The following SH3GL3 variants were observed in gnomAD, a reference collection of about 807,000 sequenced individuals.
SH3GL3 encodes the protein SH3 domain containing GRB2 like 3, endophilin A3.
Under a neutral mutation model 47.7 loss-of-function variants are expected in SH3GL3, and 33 were observed. That is an observed-to-expected ratio of 0.69 (90% CI 0.52 to 0.92). The LOEUF (loss-of-function observed/expected upper bound fraction) is 0.92. Ranked by LOEUF, SH3GL3 falls within the 40% of genes least tolerant of loss-of-function variation. The pLI, the probability that SH3GL3 is intolerant of heterozygous loss-of-function variation, is 0.00. For synonymous variants in SH3GL3, 155 were observed against 148.8 expected, an observed-to-expected ratio of 1.04 and a Z score of -0.30; for missense variants, 363 against 417.8, an observed-to-expected ratio of 0.87 and a Z score of 1.14.
chr15:83,517,243 C>T (rs555806632), intron 1 of SH3GL3, among the ~76,000 whole-genome samples: 16 of 138,492 alleles, frequency 1.2e-4, no homozygotes, highest in Middle Eastern at 4.5e-3. Context: ...CTGGCTCTGT[C>T]GCCCAGTCTG....
intron 8 of SH3GL3, among the ~76,000 whole-genome samples, chr15:83,596,485 A>G (rs2151821864): frequency 6.6e-6 from 1 of 152,260 alleles, no homozygotes; most frequent in Middle Eastern, 3.4e-3. Context: ...AAAATCTCTG[A>G]TTATAGTTAT....
intron 6 of SH3GL3, among the ~76,000 whole-genome samples, chr15:83,586,693 T>C (rs17841186): frequency 0.032 from 4,798 of 152,310 alleles, 266 homozygotes; most frequent in African/African-American, 0.11. Flanking sequence ...CTTTATAGCA[T>C]AGAAAATCTG....
intron 1 of SH3GL3, among the ~76,000 whole-genome samples, chr15:83,484,517 G>A (rs1039202218): frequency 1.3e-5 from 2 of 151,952 alleles, no homozygotes; most frequent in African/African-American, 4.8e-5. Flanking sequence ...TGAAATTGCT[G>A]AAGTCAGTAA....
chr15:83,457,505 T>A (rs2040056837), intron 1 of SH3GL3, among the ~76,000 whole-genome samples: 1 of 152,212 alleles, frequency 6.6e-6, no homozygotes, highest in Non-Finnish European at 1.5e-5. Context: ...ACGTATTCCC[T>A]GTAATCACTG....
chr15:83,497,172 C>A (rs2042113264), intron 1 of SH3GL3, among the ~76,000 whole-genome samples: 1 of 152,184 alleles, frequency 6.6e-6, no homozygotes, highest in African/African-American at 2.4e-5. Context: ...TTATTATGTT[C>A]TTGAATGGCT....
At chr15:83,481,871 C>CA (rs921955145) in intron 1 of SH3GL3, among the ~76,000 whole-genome samples, 5 of 152,018 alleles carry the variant, frequency 3.3e-5, no homozygotes, top group African/African-American at 1.2e-4. Flanking sequence ...GCAAATATTA[C>CA]AAAAAACCAC....
At chr15:83,478,015 A>G (rs370629719) in intron 1 of SH3GL3, among the ~76,000 whole-genome samples, 1 of 152,174 alleles carries the variant, frequency 6.6e-6, no homozygotes, top group East Asian at 1.9e-4. Context: ...CTCTTTGGGG[A>G]CACTTTCAGC....
At chr15:83,457,023 T>C (rs2040023596) in intron 1 of SH3GL3, among the ~76,000 whole-genome samples, 2 of 152,262 alleles carry the variant, frequency 1.3e-5, no homozygotes, top group Non-Finnish European at 2.9e-5. Flanking sequence ...TAGCTTACAA[T>C]ATTTACATTT....
intron 1 of SH3GL3, among the ~76,000 whole-genome samples, chr15:83,530,544 TG>T (rs1225549896): frequency 2.0e-5 from 3 of 152,118 alleles, no homozygotes; most frequent in Non-Finnish European, 4.4e-5. Flanking sequence ...GGTTCTTTTT[TG>T]GGGAGGTGGT....
intron 6 of SH3GL3, among the ~76,000 whole-genome samples, chr15:83,579,125 C>T (rs2059764312): frequency 6.6e-6 from 1 of 152,200 alleles, no homozygotes; most frequent in African/African-American, 2.4e-5. Flanking sequence ...TATAAAAGCT[C>T]AATCATTTGT....
chr15:83,545,401 G>A (rs1187924761), intron 1 of SH3GL3, among the ~76,000 whole-genome samples: 1 of 152,066 alleles, frequency 6.6e-6, no homozygotes, highest in East Asian at 1.9e-4. Flanking sequence ...TTATCTGATA[G>A]GATTCTGAAT....
chr15:83,614,251 T>G (rs1410824062), intron 8 of SH3GL3, among the ~76,000 whole-genome samples: 15 of 152,178 alleles, frequency 9.9e-5, no homozygotes, highest in Admixed American at 9.8e-4. Context: ...AATAGTGAAC[T>G]AATCCCCAAT....
At chr15:83,568,754 C>A in intron 4 of SH3GL3, 82 bp downstream of exon 4, 2 of 1,000,280 alleles carry the variant, frequency 2.0e-6, no homozygotes, top group Non-Finnish European at 3.0e-6. Context: ...TTCAGTCTAA[C>A]AACCTTTGTT....
At chr15:83,490,470 G>T (rs939202301) in intron 1 of SH3GL3, among the ~76,000 whole-genome samples, 5 of 152,104 alleles carry the variant, frequency 3.3e-5, no homozygotes, top group African/African-American at 1.2e-4. Flanking sequence ...TAAATGTCAT[G>T]GGTAGGAAAT....
the SH3GL3 span, among the ~76,000 whole-genome samples, chr15:83,623,751 A>G: frequency 1.3e-5 from 2 of 152,104 alleles, no homozygotes; most frequent in African/African-American, 2.4e-5. Flanking sequence ...CCTTGAGGAT[A>G]TGTTCTTTTC....
At chr15:83,584,180 T>C (rs1278890846) in intron 6 of SH3GL3, among the ~76,000 whole-genome samples, 1 of 152,184 alleles carries the variant, frequency 6.6e-6, no homozygotes, top group Admixed American at 6.5e-5. Context: ...ATTTCTTGGC[T>C]CATTCTTCGC....
intron 1 of SH3GL3, among the ~76,000 whole-genome samples, chr15:83,555,251 T>G (rs2044885624): frequency 6.6e-6 from 1 of 152,218 alleles, no homozygotes; most frequent in Admixed American, 6.5e-5. Flanking sequence ...GTATAATTGT[T>G]TGCTCTTCAT....
At chr15:83,607,840 AAATAATAATAATAAT>A (rs60113695) in intron 8 of SH3GL3, among the ~76,000 whole-genome samples, 2,535 of 142,932 alleles carry the variant, frequency 0.018, 71 homozygotes, top group African/African-American at 0.054. Flanking sequence ...TCAGAGTGGC[AAATAATAATAATAAT>A]AATAATAATA....
intron 1 of SH3GL3, among the ~76,000 whole-genome samples, chr15:83,473,634 G>A (rs1232222509): frequency 2.0e-5 from 3 of 151,374 alleles, no homozygotes; most frequent in Non-Finnish European, 2.9e-5. Flanking sequence ...CACAAGCTCC[G>A]CCTTCTGGGT....
Sources: gnomAD v4.1 joint callset for allele counts (sites outside exome capture counted in the v4.1 genomes callset) on GRCh38, gnomAD v4.1.1 for gene constraint, MANE v1.5 for transcripts, NCBI Gene and HGNC (gene_info 2026-07-23, HGNC 2026-07-21) for gene names.